The following CARMIL1 variants were observed in gnomAD, a reference collection of about 807,000 sequenced individuals.
CARMIL1 encodes F-actin-uncapping protein LRRC16A.
CARMIL1 carries 90 observed loss-of-function variants against 177.1 expected under a neutral mutation model. That is an observed-to-expected ratio of 0.51 (90% confidence interval 0.43 to 0.61). The LOEUF is 0.61. Among genes scored for constraint, CARMIL1 ranks in the 20% least tolerant of loss-of-function variants. The pLI is 0.00. For synonymous variants in CARMIL1, 577 were observed against 606.2 expected (o/e 0.95, Z 0.71); for missense variants, 1,380 against 1,667.0 (o/e 0.83, Z 3.00).
At chr6:25,362,572 G>A (rs1789331576) in intron 2 of CARMIL1, among the ~76,000 whole-genome samples, 1 of 152,058 alleles carries the variant, frequency 6.6e-6, no homozygotes, top group African/African-American at 2.4e-5. Flanking sequence ...TAATTGGGAG[G>A]CTGAGGCAGG....
chr6:25,464,476 A>C (rs983899947), intron 8 of CARMIL1, among the ~76,000 whole-genome samples: 2 of 152,200 alleles, frequency 1.3e-5, no homozygotes, highest in Admixed American at 6.5e-5. Context: ...TAGAGTGCCA[A>C]GCACAGGGCC....
intron 2 of CARMIL1, among the ~76,000 whole-genome samples, chr6:25,307,055 A>G (rs1748028376): frequency 6.6e-6 from 1 of 151,498 alleles, no homozygotes; most frequent in Non-Finnish European, 1.5e-5. Flanking sequence ...ATTTTTTTGT[A>G]TTTTTAGTAG....
At chr6:25,315,183 C>CT (rs1477510853) in intron 2 of CARMIL1, among the ~76,000 whole-genome samples, 1 of 152,160 alleles carries the variant, frequency 6.6e-6, no homozygotes, top group East Asian at 1.9e-4. Flanking sequence ...GGATGAGGCT[C>CT]TATGTCTTAG....
intron 5 of CARMIL1, among the ~76,000 whole-genome samples, chr6:25,437,037 G>A (rs1049732204): frequency 6.6e-6 from 1 of 152,152 alleles, no homozygotes; most frequent in Non-Finnish European, 1.5e-5. Flanking sequence ...TTGCCAAGAA[G>A]CAAAACCTTA....
At chr6:25,537,692 A>G (rs1808440018) in intron 24 of CARMIL1, among the ~76,000 whole-genome samples, 163 bp from the exon 25 acceptor site, 1 of 152,230 alleles carries the variant, frequency 6.6e-6, no homozygotes, top group Non-Finnish European at 1.5e-5. Context: ...ATTGCTTACA[A>G]GCAGCATTCT....
intron 2 of CARMIL1, among the ~76,000 whole-genome samples, chr6:25,323,012 T>C (rs1387383734): frequency 6.6e-6 from 1 of 152,180 alleles, no homozygotes; most frequent in Non-Finnish European, 1.5e-5. Context: ...GTTGGATTAA[T>C]TCATTTTTTC....
chr6:25,565,896 A>G (rs1811516926), intron 29 of CARMIL1, among the ~76,000 whole-genome samples: 2 of 152,220 alleles, frequency 1.3e-5, no homozygotes, highest in African/African-American at 4.8e-5. Context: ...TCAGCTTCCT[A>G]CTTGACATCT....
rs561285325 is a variant in CARMIL1 at position 25,609,617 on chromosome 6, T to C, written c.3848-433T>C. On this transcript the variant is annotated intron_variant, in intron 35 of 36. Transcript: ENST00000329474. ...ATTGTTAGTGACCTACATATATGCA[T>C]GCATGCATGCATGCATACACATACA... is the stretch of plus-strand genomic sequence containing the variant. 1.2e-4 allele frequency among the ~76,000 whole-genome samples: 18 copies of C among 152,344 alleles called. No homozygotes were observed. In the East Asian group the frequency reaches 3.5e-3, roughly 29 times the overall value.
chr6:25,510,634 CAAT>C (rs549988104), intron 19 of CARMIL1, 28 bp downstream of exon 19: 23 of 1,509,048 alleles, frequency 1.5e-5, no homozygotes, highest in Non-Finnish European at 2.1e-5. Flanking sequence ...TTTTATATGA[CAAT>C]GATGAAAATA....
chr6:25,544,779 T>C (rs1432674045), intron 26 of CARMIL1, among the ~76,000 whole-genome samples: 1 of 152,134 alleles, frequency 6.6e-6, no homozygotes, highest in Non-Finnish European at 1.5e-5. Flanking sequence ...AACAATGACA[T>C]TAATGTCTAA....
At chr6:25,373,718 G>C (rs746347782) in intron 2 of CARMIL1, among the ~76,000 whole-genome samples, 1 of 151,888 alleles carries the variant, frequency 6.6e-6, no homozygotes, top group Non-Finnish European at 1.5e-5. Flanking sequence ...GAGTAGCTGG[G>C]ATTACAGGCA....
At chr6:25,426,356 C>T (rs200689778) in intron 3 of CARMIL1, 145 bp from the exon 4 acceptor site, 3 of 514,166 alleles carry the variant, frequency 5.8e-6, no homozygotes, top group East Asian at 3.1e-5. Flanking sequence ...TAAACCAGCC[C>T]GCCTTCAGAA....
intron 2 of CARMIL1, among the ~76,000 whole-genome samples, chr6:25,311,082 T>G (rs999390030): frequency 3.3e-5 from 5 of 152,028 alleles, no homozygotes; most frequent in African/African-American, 1.2e-4. Flanking sequence ...CTCGGGAGGC[T>G]GAGGCCAGAG....
chr6:25,398,995 G>C (rs1230004387), intron 2 of CARMIL1, among the ~76,000 whole-genome samples: 1 of 152,160 alleles, frequency 6.6e-6, no homozygotes, highest in Non-Finnish European at 1.5e-5. Context: ...GGAGTTAAAC[G>C]TGATAAGGTA....
chr6:25,500,145 A>G (rs1421643226), intron 16 of CARMIL1, 21 bp from the exon 17 acceptor site: 6 of 1,609,816 alleles, frequency 3.7e-6, no homozygotes, highest in South Asian at 1.1e-5. Flanking sequence ...TGTATCTAAT[A>G]TGTGTGTTTC....
intron 2 of CARMIL1, among the ~76,000 whole-genome samples, chr6:25,390,320 A>ATATATATATATATATATATTTTTTTTTTT (rs1554184839): frequency 1.7e-5 from 1 of 58,104 alleles, no homozygotes; most frequent in Non-Finnish European, 3.3e-5. Context: ...ATATATATAT[A>ATATATATATATATATATATTTTTTTTTTT]TTTTTTTTTT....
At chr6:25,497,376 T>C (rs916405855) in intron 16 of CARMIL1, among the ~76,000 whole-genome samples, 1 of 152,138 alleles carries the variant, frequency 6.6e-6, no homozygotes, top group African/African-American at 2.4e-5. Context: ...AGCTAAGTAA[T>C]TTGCCCCAAA....
intron 33 of CARMIL1, 144 bp downstream of exon 33, chr6:25,600,890 C>G (rs989594936): frequency 6.4e-6 from 5 of 778,320 alleles, no homozygotes; most frequent in Middle Eastern, 3.9e-4. Context: ...TCAAATTACT[C>G]TCTTCTTGCT....
At chr6:25,576,225 A>AT (rs572895190) in intron 29 of CARMIL1, among the ~76,000 whole-genome samples, 219 of 151,816 alleles carry the variant, frequency 1.4e-3, no homozygotes, top group African/African-American at 3.3e-3. Flanking sequence ...TTATTTAGAG[A>AT]TTTTTTTTTA....
Sources: gnomAD v4.1 joint callset for allele counts (sites outside exome capture counted in the v4.1 genomes callset) on GRCh38, gnomAD v4.1.1 for gene constraint, MANE v1.5 for transcripts, NCBI Gene and HGNC (gene_info 2026-07-23, HGNC 2026-07-21) for gene names.